HEPH: variants seen among roughly 807,000 people sequenced by gnomAD.
The protein encoded by HEPH is hephaestin.
HEPH carries 69 observed loss-of-function variants against 80.8 expected under a neutral mutation model. The observed-to-expected ratio is 0.85, with a 90% CI of 0.70 to 1.04. The LOEUF (loss-of-function observed/expected upper bound fraction) is 1.04. Among genes scored for constraint, HEPH ranks in the 50% least tolerant of loss-of-function variants. HEPH has a pLI of 0.00. For synonymous variants in HEPH, 431 were observed against 322.8 expected (o/e 1.34, Z -3.60); for missense variants, 1,115 against 891.3 (o/e 1.25, Z -3.20).
chrX:66,216,662 A>T (rs1162897304), intron 15 of HEPH, among the ~76,000 whole-genome samples: 1 of 111,985 alleles, frequency 8.9e-6, no homozygotes, highest in African/African-American at 3.2e-5. Context: ...AAAACAAATT[A>T]TTTAACAATC....
chrX:66,215,895 G>A (rs866083244), intron 15 of HEPH, among the ~76,000 whole-genome samples: 6 of 111,905 alleles, frequency 5.4e-5, no homozygotes, highest in South Asian at 3.7e-4. Context: ...TGCTGTTGGG[G>A]AGGCATGGTG....
intron 4 of HEPH, among the ~76,000 whole-genome samples, chrX:66,177,682 C>A (rs961877503): frequency 9.0e-6 from 1 of 110,994 alleles, no homozygotes; most frequent in African/African-American, 3.3e-5. Flanking sequence ...CTTTTTGTTT[C>A]ATTTATCTTG....
intron 15 of HEPH, among the ~76,000 whole-genome samples, chrX:66,241,172 C>G (rs1316364149): frequency 8.9e-6 from 1 of 112,178 alleles, no homozygotes; most frequent in Non-Finnish European, 1.9e-5. Context: ...CATGAATAGT[C>G]CATGGACACT....
At chrX:66,215,012 C>T (rs1360093954) in intron 15 of HEPH, among the ~76,000 whole-genome samples, 1 of 111,284 alleles carries the variant, frequency 9.0e-6, no homozygotes, top group Non-Finnish European at 1.9e-5. Context: ...TCAAATACAG[C>T]TAAAATTTTG....
intron 15 of HEPH, among the ~76,000 whole-genome samples, chrX:66,231,623 A>G (rs1449006732): frequency 7.3e-5 from 8 of 109,610 alleles, no homozygotes; most frequent in Non-Finnish European, 1.5e-4. Flanking sequence ...TTGTACATTG[A>G]TTTTGTATCC....
intron 8 of HEPH, 100 bp downstream of exon 8, chrX:66,193,738 A>G (rs1451694938): frequency 5.3e-6 from 3 of 565,574 alleles, no homozygotes; most frequent in Non-Finnish European, 8.2e-6. Flanking sequence ...CACATTGTAG[A>G]CCAGCATCTC....
intron 15 of HEPH, among the ~76,000 whole-genome samples, chrX:66,248,700 A>C (rs1232332914): frequency 8.9e-6 from 1 of 112,508 alleles, no homozygotes; most frequent in East Asian, 2.8e-4. Flanking sequence ...TTCAAACTAC[A>C]AAAGCTATGG....
At chrX:66,222,991 C>G (rs761387132) in intron 15 of HEPH, among the ~76,000 whole-genome samples, 2 of 111,064 alleles carry the variant, frequency 1.8e-5, no homozygotes, top group African/African-American at 3.3e-5. Context: ...GTCTAGGAGT[C>G]TGGAGGGGGT....
At chrX:66,204,261 C>A (rs745666930) in intron 13 of HEPH, among the ~76,000 whole-genome samples, 1 of 111,882 alleles carries the variant, frequency 8.9e-6, no homozygotes, top group Non-Finnish European at 1.9e-5. Context: ...CAAAAAGAGT[C>A]TAAAAGATGT....
At chrX:66,191,110 T>A (rs182334923) in intron 6 of HEPH, among the ~76,000 whole-genome samples, 1 of 111,836 alleles carries the variant, frequency 8.9e-6, no homozygotes, top group East Asian at 2.8e-4. Context: ...AGATAGTAGA[T>A]ATAAGAAAAT....
chrX:66,197,847 C>A lies in HEPH; in HGVS notation c.1666C>A (p.Pro556Thr). The change falls in exon 10 of 21, where the codon CCG becomes ACG. Residue 556 changes from proline to threonine, a missense_variant. Physicochemically the swap from Pro to Thr is conservative, Grantham distance 38. Transcript: ENST00000343002. ...AGACACAAATTCTGGCCTGGTGGGC[C>A]CGCTGCTGGTGTGCAGGGCTGGTGC... The part of the protein sequence containing the change: ...IRDTNSGLVG[P>T]LLVCRAGALG... The A allele has an allele frequency of 8.3e-7, 1 of 1,208,166 alleles. No homozygotes were observed. Among genetic ancestry groups the A allele is most frequent in the Non-Finnish European group, 1.1e-6 (1 of 893,763 alleles).
intron 15 of HEPH, among the ~76,000 whole-genome samples, chrX:66,218,448 G>A (rs1334999699): frequency 8.9e-6 from 1 of 111,862 alleles, no homozygotes; most frequent in Non-Finnish European, 1.9e-5. Flanking sequence ...AATGATCATT[G>A]GATCAACAAT....
At chrX:66,216,726 T>G (rs2089413884) in intron 15 of HEPH, among the ~76,000 whole-genome samples, 1 of 111,754 alleles carries the variant, frequency 8.9e-6, no homozygotes, top group African/African-American at 3.3e-5. Flanking sequence ...TAAAAATCTC[T>G]GAATGGCCAG....
chrX:66,236,920 A>T (rs1017899335), intron 15 of HEPH, among the ~76,000 whole-genome samples: 4 of 111,373 alleles, frequency 3.6e-5, no homozygotes, highest in Non-Finnish European at 5.7e-5. Flanking sequence ...GGTGTTAATA[A>T]TATTCTTTGT....
At chrX:66,268,700 C>G (rs762799301), downstream of HEPH, 11 of 111,482 alleles carry the variant, frequency 9.9e-5, no homozygotes, top group Non-Finnish European at 1.7e-4. Context: ...TTTTGTAATC[C>G]TGCTCCAGGT....
chrX:66,232,155 T>A (rs1469280544), intron 15 of HEPH, among the ~76,000 whole-genome samples: 2 of 111,016 alleles, frequency 1.8e-5, no homozygotes, highest in Non-Finnish European at 3.8e-5. Context: ...ATAAGCTTTT[T>A]GATGTGCTGC....
chrX:66,178,553 TC>T (rs982655588), intron 4 of HEPH, among the ~76,000 whole-genome samples: 2 of 112,412 alleles, frequency 1.8e-5, no homozygotes, highest in Non-Finnish European at 3.8e-5. Flanking sequence ...TAGTTTGTAG[TC>T]CCACCAACAG....
At chrX:66,211,904 T>C (rs1274332551) in intron 15 of HEPH, among the ~76,000 whole-genome samples, 1 of 111,706 alleles carries the variant, frequency 9.0e-6, no homozygotes, top group Non-Finnish European at 1.9e-5. Context: ...TTTTTAGAAA[T>C]TTTCATACCA....
intron 14 of HEPH, 139 bp from the exon 15 acceptor site, chrX:66,207,976 C>A: frequency 2.3e-6 from 1 of 428,637 alleles, no homozygotes; most frequent in Non-Finnish European, 3.9e-6. Context: ...CCAGCCATGC[C>A]TTCTAGGTCT....
Sources: allele counts gnomAD v4.1 joint callset (sites outside exome capture counted in the v4.1 genomes callset), GRCh38; gene constraint gnomAD v4.1.1; transcripts MANE v1.5; gene names NCBI Gene and HGNC (gene_info 2026-07-23, HGNC 2026-07-21).